Variants in INSL6 observed in about 807,000 individuals in gnomAD.
INSL6 encodes insulin-like peptide INSL6.
In INSL6, 16 loss-of-function variants were observed where a neutral mutation model predicts 9.4. That is an observed-to-expected ratio of 1.70 (90% confidence interval 1.15 to 2.59). The LOEUF (loss-of-function observed/expected upper bound fraction) is 2.59, where lower values mean the gene tolerates loss of function less well. Among genes scored for constraint, INSL6 ranks in the 30% most tolerant of loss-of-function variants. The pLI is 0.00. For missense variants in INSL6, 391 were observed against 257.3 expected, an observed-to-expected ratio of 1.52 and a Z score of -3.56; for synonymous variants, 154 against 96.9, an observed-to-expected ratio of 1.59 and a Z score of -3.46.
At chr9:5,041,296 G>C in the INSL6 span, 1 of 915,670 alleles carries the variant, frequency 1.1e-6, no homozygotes, top group South Asian at 1.5e-5. Context: ...CTGGTCTCAG[G>C]ACCAAGAAGC....
At chr9:5,181,210 T>C (rs1825444208) in intron 1 of INSL6, among the ~76,000 whole-genome samples, 1 of 152,106 alleles carries the variant, frequency 6.6e-6, no homozygotes, top group Non-Finnish European at 1.5e-5. Flanking sequence ...TATGAAAGAA[T>C]AAAGGTTGAA....
chr9:5,172,863 G>A (rs1825214548), intron 1 of INSL6, among the ~76,000 whole-genome samples: 1 of 152,022 alleles, frequency 6.6e-6, no homozygotes, highest in South Asian at 2.1e-4. Flanking sequence ...AGGAGGCAGA[G>A]GCTGCAGTGA....
At chr9:5,138,393 T>C (rs1824426796) in intron 2 of INSL6, among the ~76,000 whole-genome samples, 1 of 152,234 alleles carries the variant, frequency 6.6e-6, no homozygotes, top group South Asian at 2.1e-4. Context: ...CATGGAATAC[T>C]GTGCAGCCAT....
the INSL6 span, chr9:5,090,438 G>GT: frequency 9.8e-6 from 15 of 1,526,226 alleles, no homozygotes; most frequent in African/African-American, 1.4e-5. Context: ...CCACCTTTAT[G>GT]TTAAAAGGTC....
chr9:5,009,422 C>T, the INSL6 span, among the ~76,000 whole-genome samples: 2 of 151,740 alleles, frequency 1.3e-5, no homozygotes, highest in East Asian at 3.9e-4. Flanking sequence ...AGGCTGTCTT[C>T]ATTACTAGTC....
chr9:4,997,496 T>G, the INSL6 span, among the ~76,000 whole-genome samples: 6 of 152,264 alleles, frequency 3.9e-5, no homozygotes, highest in Non-Finnish European at 8.8e-5. Context: ...AAGAACTCAG[T>G]ATCTTCAGGA....
chr9:5,106,149 G>A, the INSL6 span, among the ~76,000 whole-genome samples: 1 of 152,046 alleles, frequency 6.6e-6, no homozygotes, highest in Non-Finnish European at 1.5e-5. Context: ...GAAAATTTTT[G>A]CAATCTACCC....
chr9:5,099,691 C>T, the INSL6 span: 1 of 152,154 alleles, frequency 6.6e-6, no homozygotes. Context: ...ATTTTCTATT[C>T]AACGATGATT....
the INSL6 span, chr9:5,073,623 T>C: frequency 1.5e-5 from 16 of 1,071,404 alleles, no homozygotes; most frequent in Non-Finnish European, 2.1e-5. Flanking sequence ...ATCTTTATTA[T>C]GGCAGAGAGA....
chr9:5,182,358 TATATA>T (rs1825476485), intron 1 of INSL6, among the ~76,000 whole-genome samples: 1 of 151,880 alleles, frequency 6.6e-6, no homozygotes, highest in African/African-American at 2.4e-5. Context: ...AAACAAAAAA[TATATA>T]ATAAACACAT....
chr9:5,154,718 G>C (rs556237430), intron 2 of INSL6, among the ~76,000 whole-genome samples: 1 of 152,266 alleles, frequency 6.6e-6, no homozygotes, highest in East Asian at 1.9e-4. Flanking sequence ...AAAGACACAT[G>C]AAAAAATGCT....
At chr9:5,058,128 G>T in the INSL6 span, among the ~76,000 whole-genome samples, 1 of 152,060 alleles carries the variant, frequency 6.6e-6, no homozygotes, top group Non-Finnish European at 1.5e-5. Flanking sequence ...TTTGACAATT[G>T]TGAGTAATGC....
chr9:5,150,827 C>T (rs543316717), intron 2 of INSL6, among the ~76,000 whole-genome samples: 1 of 148,002 alleles, frequency 6.8e-6, no homozygotes, highest in Admixed American at 6.8e-5. Context: ...TATCCATCAA[C>T]AGATGACTGG....
chr9:5,078,630 A>G, the INSL6 span, among the ~76,000 whole-genome samples: 30 of 152,300 alleles, frequency 2.0e-4, 1 homozygote, highest in South Asian at 6.2e-3. Context: ...TCTTATAAGC[A>G]TATAACCATG....
At chr9:5,174,553 C>T (rs192424726) in intron 1 of INSL6, among the ~76,000 whole-genome samples, 72 of 152,314 alleles carry the variant, frequency 4.7e-4, no homozygotes, top group Non-Finnish European at 9.6e-4. Flanking sequence ...AGTTCTCACT[C>T]CCCAACTTAT....
chr9:5,063,874 C>G, the INSL6 span, among the ~76,000 whole-genome samples: 1 of 152,174 alleles, frequency 6.6e-6, no homozygotes, highest in Non-Finnish European at 1.5e-5. Flanking sequence ...AAGATACAAT[C>G]AGGCCGGGCA....
the INSL6 span, among the ~76,000 whole-genome samples, chr9:5,117,531 T>C: frequency 3.9e-5 from 6 of 152,240 alleles, no homozygotes; most frequent in Admixed American, 2.6e-4. Flanking sequence ...CAATAAGATA[T>C]GTTTTCTATT....
At chr9:5,025,692 C>T in the INSL6 span, among the ~76,000 whole-genome samples, 1 of 152,036 alleles carries the variant, frequency 6.6e-6, no homozygotes, top group Non-Finnish European at 1.5e-5. Context: ...ACCACCACAC[C>T]CAGCTAATTT....
At chr9:5,137,687 T>C (rs1432998818) in intron 2 of INSL6, among the ~76,000 whole-genome samples, 1 of 152,174 alleles carries the variant, frequency 6.6e-6, no homozygotes, top group Non-Finnish European at 1.5e-5. Context: ...GGCAAAGACT[T>C]CATGACTAAA....
Sources: allele counts gnomAD v4.1 joint callset (sites outside exome capture counted in the v4.1 genomes callset), GRCh38; gene constraint gnomAD v4.1.1; transcripts MANE v1.5; gene names NCBI Gene and HGNC (gene_info 2026-07-23, HGNC 2026-07-21).